WWOX: variants seen among roughly 807,000 people sequenced by gnomAD.
The protein encoded by WWOX is WW domain-containing oxidoreductase.
A neutral mutation model predicts 46.2 loss-of-function variants in WWOX; 69 were observed. That is an observed-to-expected ratio of 1.49 (90% CI 1.23 to 1.82). The LOEUF (loss-of-function observed/expected upper bound fraction) is 1.82. Ranked by LOEUF, WWOX falls within the 40% of genes most tolerant of loss-of-function variation. The probability of loss-of-function intolerance (pLI) is 0.00; values close to 1 mark genes in which losing one functional copy is unlikely to be tolerated. For missense variants in WWOX, 919 were observed against 542.6 expected, an observed-to-expected ratio of 1.69 and a Z score of -6.89; for synonymous variants, 359 against 202.6, an observed-to-expected ratio of 1.77 and a Z score of -6.56.
At chr16:78,286,106 G>A (rs2079762438) in intron 5 of WWOX, among the ~76,000 whole-genome samples, 1 of 152,092 alleles carries the variant, frequency 6.6e-6, no homozygotes, top group Non-Finnish European at 1.5e-5. Context: ...ATCTGCTAAC[G>A]GAAATATTTC....
chr16:79,083,835 C>G (rs1401381332), intron 8 of WWOX, among the ~76,000 whole-genome samples: 2 of 152,188 alleles, frequency 1.3e-5, no homozygotes, highest in African/African-American at 2.4e-5. Flanking sequence ...ATAGGAGACT[C>G]TTTTGCCAGA....
chr16:78,195,035 C>T (rs1039605542), intron 5 of WWOX, among the ~76,000 whole-genome samples: 1 of 152,208 alleles, frequency 6.6e-6, no homozygotes, highest in African/African-American at 2.4e-5. Context: ...TTTGCAACTT[C>T]TTTTATGCCT....
chr16:78,930,965 C>G (rs151163777), intron 8 of WWOX, among the ~76,000 whole-genome samples: 1 of 152,244 alleles, frequency 6.6e-6, no homozygotes, highest in Non-Finnish European at 1.5e-5. Flanking sequence ...CTGGACATGT[C>G]ACTAGCAGCC....
At chr16:78,760,063 C>G (rs76974326) in intron 8 of WWOX, among the ~76,000 whole-genome samples, 2,022 of 152,184 alleles carry the variant, frequency 0.013, 42 homozygotes, top group African/African-American at 0.046. Flanking sequence ...AAGACATACC[C>G]AAAACTGGGT....
chr16:78,213,237 C>T (rs1337834330), intron 5 of WWOX, among the ~76,000 whole-genome samples: 5 of 128,266 alleles, frequency 3.9e-5, no homozygotes, highest in African/African-American at 9.3e-5. Flanking sequence ...GGTGACAGAG[C>T]GAGACTGTAT....
intron 6 of WWOX, among the ~76,000 whole-genome samples, chr16:78,391,629 C>T (rs919397229): frequency 3.9e-5 from 6 of 152,154 alleles, no homozygotes; most frequent in African/African-American, 1.2e-4. Flanking sequence ...GGGTGGATTG[C>T]TTGAGGCCAG....
intron 5 of WWOX, among the ~76,000 whole-genome samples, chr16:78,386,102 G>C (rs540369571): frequency 3.3e-4 from 50 of 152,314 alleles, no homozygotes; most frequent in African/African-American, 1.2e-3. Flanking sequence ...ACTGGGGTCA[G>C]TTCTTGTACT....
At chr16:78,139,576 C>T (rs1473836110) in intron 4 of WWOX, among the ~76,000 whole-genome samples, 3 of 152,122 alleles carry the variant, frequency 2.0e-5, no homozygotes, top group African/African-American at 4.8e-5. Context: ...ACCCAGGAGG[C>T]GGAGGTTGCA....
At position 78,432,864 on chromosome 16, in the gene WWOX, A is replaced by G. The variant is rs184247585; in HGVS notation, c.1056+112A>G. The G allele has an allele frequency of 3.2e-5, 48 of 1,521,156 alleles. No homozygotes were observed. In the Admixed American group the frequency reaches 5.7e-4, roughly 18 times the overall value. The allele number at this position is 1,521,156 out of a possible 1,614,324, so 94.2% of individuals were successfully genotyped here. ...GCATGAGTCTGGTCTCAGTAATAAC[A>G]TTGTCCAGCCCATCATAAAGGGCTC... On this transcript the variant is annotated intron_variant, in intron 8 of 8. Transcript: ENST00000566780.
intron 8 of WWOX, among the ~76,000 whole-genome samples, chr16:78,737,576 C>A (rs1213562475): frequency 2.6e-5 from 4 of 152,116 alleles, no homozygotes; most frequent in Non-Finnish European, 4.4e-5. Flanking sequence ...GTCTTTTATT[C>A]CTCACCCTAC....
intron 8 of WWOX, among the ~76,000 whole-genome samples, chr16:79,025,785 G>T (rs113312845): frequency 0.021 from 2,757 of 134,456 alleles, 613 homozygotes; most frequent in Admixed American, 0.022. Flanking sequence ...CGTTTTCTTT[G>T]CTTTGCTTTG....
chr16:78,489,623 C>A (rs867345814), intron 8 of WWOX, among the ~76,000 whole-genome samples: 2 of 152,238 alleles, frequency 1.3e-5, no homozygotes, highest in Middle Eastern at 3.4e-3. Flanking sequence ...CCTTCTAACT[C>A]TATTTCTTTG....
intron 8 of WWOX, among the ~76,000 whole-genome samples, chr16:78,962,207 T>C (rs1413336844): frequency 6.6e-6 from 1 of 151,800 alleles, no homozygotes; most frequent in African/African-American, 2.4e-5. Context: ...TGGATGACTT[T>C]CTGTGTGATG....
intron 8 of WWOX, among the ~76,000 whole-genome samples, chr16:79,164,408 C>G (rs938881682): frequency 2.6e-5 from 4 of 152,194 alleles, no homozygotes; most frequent in African/African-American, 7.2e-5. Context: ...CCCCGACAGG[C>G]TGCCCTTGTG....
intron 5 of WWOX, among the ~76,000 whole-genome samples, chr16:78,377,528 A>G (rs2151926695): frequency 6.6e-6 from 1 of 152,324 alleles, no homozygotes; most frequent in South Asian, 2.1e-4. Flanking sequence ...TTAGAATGAA[A>G]AATTCACTAT....
rs187178262 is a variant in WWOX, at chr16:78,702,116, A to T, written c.1056+269364A>T. ...TCTATAAAGTTATATATATATATAT[A>T]TATATATTTATTTATTTTCAAGACA... On this transcript the variant is annotated intron_variant, in intron 8 of 8. Coordinates refer to ENST00000566780, the MANE Select transcript of WWOX (RefSeq NM_016373.4). 1.9e-4 allele frequency among the ~76,000 whole-genome samples: 24 copies of T among 128,714 alleles called. 3 individuals are homozygous for T. The highest frequency in any genetic ancestry group is 8.5e-4 in the African/African-American group (24 of 28,232). 84.4% of individuals were successfully genotyped at this position (128,714 alleles called of 152,430 possible). A position where few individuals can be genotyped will look rare whatever the true frequency, so the allele number is the denominator to read the frequency against.
chr16:78,810,471 A>G lies in WWOX; in HGVS notation c.1056+377719A>G, dbSNP rs1002576988. On this transcript the variant is annotated intron_variant, in intron 8 of 8. Transcript: ENST00000566780. ...GTCAACTCAGAAAACATCCCTAGGA[A>G]GTATTATGGGAACCCCCTGTATCAC... 2.6e-5 allele frequency among the ~76,000 whole-genome samples: 4 copies of G among 152,358 alleles called. No individual in the cohort carries two copies. In the East Asian group the frequency reaches 5.8e-4, roughly 22 times the overall value.
chr16:79,013,960 T>G (rs1282942002), intron 8 of WWOX, among the ~76,000 whole-genome samples: 1 of 152,174 alleles, frequency 6.6e-6, no homozygotes, highest in Non-Finnish European at 1.5e-5. Flanking sequence ...GAGAGGATGC[T>G]CCGCCGCCTG....
At chr16:78,572,602 C>CAAAAA (rs35178787) in intron 8 of WWOX, among the ~76,000 whole-genome samples, 10 of 41,486 alleles carry the variant, frequency 2.4e-4, no homozygotes, top group Non-Finnish European at 3.5e-4. Flanking sequence ...GACTCTGTCT[C>CAAAAA]AAAAAAAAAA....
Sources: gnomAD v4.1 joint callset for allele counts (sites outside exome capture counted in the v4.1 genomes callset) on GRCh38, gnomAD v4.1.1 for gene constraint, MANE v1.5 for transcripts, NCBI Gene and HGNC (gene_info 2026-07-23, HGNC 2026-07-21) for gene names.